SGSM3: variants seen among roughly 807,000 people sequenced by gnomAD.
SGSM3 encodes RUN and SH3 containing 3.
A neutral mutation model predicts 100.5 loss-of-function variants in SGSM3; 96 were observed. The observed-to-expected ratio is 0.96, with a 90% CI of 0.81 to 1.13. The LOEUF is 1.13. SGSM3 is among the 50% of genes most tolerant of loss of function. The pLI, the probability that SGSM3 is intolerant of heterozygous loss-of-function variation, is 0.00. For missense variants in SGSM3, 1,001 were observed against 1,015.8 expected, an observed-to-expected ratio of 0.99 and a Z score of 0.20; for synonymous variants, 483 against 422.8, an observed-to-expected ratio of 1.14 and a Z score of -1.75.
intron 17 of SGSM3, 40 bp from the exon 18 acceptor site, chr22:40,408,754 A>G (rs1374698198): frequency 3.1e-6 from 5 of 1,613,552 alleles, no homozygotes; most frequent in Non-Finnish European, 4.2e-6. Flanking sequence ...GCGGGGCCTG[A>G]CCCAGCCCCG....
intron 2 of SGSM3, 77 bp downstream of exon 2, chr22:40,400,890 T>TTA (rs1319527740): frequency 1.4e-6 from 2 of 1,387,196 alleles, no homozygotes; most frequent in Non-Finnish European, 1.9e-6. Flanking sequence ...GGTGGCTTGT[T>TTA]TTCCATAAAA....
Position 40,401,599 on chromosome 22 carries a change from A to G in SGSM3, c.14A>G (p.His5Arg). 6.2e-7 allele frequency: 1 copy of G among 1,612,682 alleles called. No homozygotes were observed. The highest frequency in any genetic ancestry group is 1.7e-4 in the Middle Eastern group (1 of 6,052). Residue 5 changes from histidine (H) to arginine (R), a missense_variant, in exon 3 of 22, where the codon CAT becomes CGT. His to Arg is a conservative substitution (Grantham distance 29). Transcript: ENST00000248929. MSGS[H>R]TPACGPFSAL... Reference sequence around the variant, plus strand: ...TGGTCCTCTTTGGTTTTAGGAAGCCATACACCTGCCTGTGGCCCTTTCTCA... The same window carrying G: ...TGGTCCTCTTTGGTTTTAGGAAGCCGTACACCTGCCTGTGGCCCTTTCTCA...
intron 1 of SGSM3, among the ~76,000 whole-genome samples, chr22:40,383,466 C>CAA (rs534039238): frequency 9.2e-5 from 8 of 87,368 alleles, no homozygotes; most frequent in East Asian, 3.3e-4. Flanking sequence ...GACTCTGTCT[C>CAA]AAAAAAAAAA....
chr22:40,404,423 C>A lies in SGSM3; in HGVS notation c.334C>A (p.Leu112Met). ...CTCTGAGAAGCTCCGCTCCCTGGTG[C>A]TGGCCGGCATCCCACATGGCATGAG... is the stretch of plus-strand genomic sequence containing the variant. ...PRSEKLRSLV[L>M]AGIPHGMRPQ... The change falls in exon 5 of 22, where the codon CTG (leucine) becomes ATG (methionine). Residue 112 changes from leucine to methionine, a missense_variant. Leu to Met is a conservative substitution (Grantham distance 15). Transcript: ENST00000248929. 6.2e-7 allele frequency: 1 copy of A among 1,605,628 alleles called. No homozygotes were observed. Among genetic ancestry groups the A allele is most frequent in the Non-Finnish European group, 8.5e-7 (1 of 1,175,350 alleles).
At chr22:40,406,701 C>G (rs985465353) in intron 10 of SGSM3, 39 bp downstream of exon 10, 3 of 1,529,436 alleles carry the variant, frequency 2.0e-6, no homozygotes, top group Non-Finnish European at 2.7e-6. Context: ...ACCCACAGCA[C>G]ACGGGGAGGA....
rs760516787 is a variant in SGSM3, at chr22:40,407,804, G to A, written c.1540G>A (p.Asp514Asn). 1 of 1,614,040 alleles carries A rather than the reference G, an allele frequency of 6.2e-7. No homozygotes were observed. The highest frequency in any genetic ancestry group is 1.1e-5 in the South Asian group (1 of 91,074). ...TCCTGTGCAGATCGTGTCTCAGAAG[G>A]ACGAGCACTGCTGGGTGGGGGAGCT... is the stretch of plus-strand genomic sequence containing the variant. The part of the protein sequence containing the change: ...NDIITIVSQK[D>N]EHCWVGELNG... The change falls in exon 14 of 22, where the codon GAC (aspartate) becomes AAC (asparagine). Residue 514 changes from aspartate (D) to asparagine (N), a missense_variant. Transcript: ENST00000248929. This position sits in a 1 kb window ranked among gnomAD's most constrained non-coding sequence, Gnocchi z 4.7.
chr22:40,401,771 TC>T (rs1193022156), intron 3 of SGSM3, 96 bp downstream of exon 3: 1 of 991,350 alleles, frequency 1.0e-6, no homozygotes, highest in African/African-American at 1.6e-5. Context: ...GGTGGCCAAC[TC>T]ACACAGGGTT....
rs1282714054 is a variant in SGSM3 at position 40,377,669 on chromosome 22, C to G, written c.-112+6981C>G. ...TGGGCAACATAATGGGAACCTGTCT[C>G]TACAAAAAAAAACTTTAAAAATTAT... On this transcript the variant is annotated intron_variant, in intron 1 of 21. Transcript: ENST00000248929. Among the ~76,000 whole-genome samples the G allele has an allele frequency of 2.0e-5, 3 of 151,600 alleles. No individual in the cohort carries two copies. In the East Asian group the frequency reaches 5.8e-4, roughly 29 times the overall value.
chr22:40,393,719 G>A (rs550604290), intron 1 of SGSM3, among the ~76,000 whole-genome samples: 27 of 152,258 alleles, frequency 1.8e-4, no homozygotes, highest in Admixed American at 3.3e-4. Context: ...TGGGAGGCTC[G>A]GAAGTCCAAG....
chr22:40,402,053 C>CCCTG lies in SGSM3; in HGVS notation c.91-86_91-85insCCTG, dbSNP rs2050825088. On this transcript the variant is annotated intron_variant, in intron 3 of 21. Coordinates refer to ENST00000248929, the MANE Select transcript of SGSM3 (RefSeq NM_015705.6). ...GCCCGAAGGCTGGGTGGGATTTTAG[C>CCCTG]AGGCAACCCTGTGGGTGGCATCTTT... The CCCTG allele has an allele frequency of 1.7e-5, 17 of 1,024,654 alleles. No individual in the cohort carries two copies. In the East Asian group the frequency reaches 4.1e-4, roughly 24 times the overall value. The allele number at this position is 1,024,654 out of a possible 1,614,324, so 63.5% of individuals were successfully genotyped here. A position where few individuals can be genotyped will look rare whatever the true frequency, so the allele number is the denominator to read the frequency against.
In SGSM3 at chr22:40,407,632, C is replaced by G. The variant is rs1380219684; in HGVS notation, c.1524+64C>G. 2 of 1,578,488 alleles carry G rather than the reference C, an allele frequency of 1.3e-6. No homozygotes were observed. Among genetic ancestry groups the G allele is most frequent in the East Asian group, 2.3e-5 (1 of 44,262 alleles). ...GGCGGGTTCCCCAGACTCCCTCCAC[C>G]AAGCCCCACCCCAACCCCTTTCCCT... is the stretch of plus-strand genomic sequence containing the variant. On this transcript the variant is annotated intron_variant, in intron 13 of 21. Transcript: ENST00000248929. This position sits in a 1 kb window ranked among gnomAD's most constrained non-coding sequence, Gnocchi z 4.7.
rs550073625 is a variant in SGSM3 at position 40,401,497 on chromosome 22, C to T, written c.8-96C>T. ...CTGACCTCAGGTGATCTGCCCACCTCGGCCTCCCAAAGTACTGAGATTACA... is the reference window on the plus strand; with the variant it reads ...CTGACCTCAGGTGATCTGCCCACCTTGGCCTCCCAAAGTACTGAGATTACA... On this transcript the variant is annotated intron_variant, in intron 2 of 21. Coordinates refer to ENST00000248929, the MANE Select transcript of SGSM3 (RefSeq NM_015705.6). The T allele has an allele frequency of 7.6e-4, 692 of 909,088 alleles. 2 individuals carry two copies. The highest frequency in any genetic ancestry group is 2.8e-3 in the Admixed American group (158 of 56,132). 56.3% of individuals were successfully genotyped at this position (909,088 alleles called of 1,614,324 possible). A position where few individuals can be genotyped will look rare whatever the true frequency, so the allele number is the denominator to read the frequency against.
chr22:40,379,058 A>G (rs923143886), intron 1 of SGSM3, among the ~76,000 whole-genome samples: 2 of 152,142 alleles, frequency 1.3e-5, no homozygotes, highest in Non-Finnish European at 2.9e-5. Flanking sequence ...GAAAGTGCCT[A>G]TGGTTCTTCC....
At chr22:40,410,279 ACTAACAGGC>A in exon 22 of SGSM3, 2 of 607,904 alleles carry the variant, frequency 3.3e-6, no homozygotes, top group South Asian at 1.5e-4. Context: ...AATAAGATGG[ACTAACAGGC>A]CTGTGTTTTT....
chr22:40,394,645 CA>C (rs34700924), intron 1 of SGSM3, among the ~76,000 whole-genome samples: 14,213 of 84,090 alleles, frequency 0.17, 779 homozygotes, highest in Middle Eastern at 0.27. Flanking sequence ...ACTCCTGTCT[CA>C]AAAAAAAAAA....
intron 2 of SGSM3, among the ~76,000 whole-genome samples, chr22:40,401,148 C>T (rs1163782646): frequency 1.3e-5 from 2 of 152,216 alleles, no homozygotes; most frequent in Non-Finnish European, 2.9e-5. Flanking sequence ...TTTCACTCTG[C>T]TCCTTCCCTA....
Position 40,407,553 on chromosome 22 carries a change from G to A in SGSM3, c.1509G>A (p.Lys503=). The stretch of plus-strand genomic sequence containing the variant: ...ACGACGACGAGCTGGGCTTCCGCAA[G>A]AACGACATCATCACAGTGCGTGGGG... The part of the protein sequence containing the change: ...RHDDDELGFR[K]NDIITIVSQK... The change falls in exon 13 of 22, where the codon AAG becomes AAA. Residue 503 remains lysine, a synonymous_variant. Coordinates refer to ENST00000248929, the MANE Select transcript of SGSM3 (RefSeq NM_015705.6). This position sits in a 1 kb window ranked among gnomAD's most constrained non-coding sequence, Gnocchi z 4.7. 2.5e-6 allele frequency: 4 copies of A among 1,604,126 alleles called. No homozygotes were observed. Among genetic ancestry groups the A allele is most frequent in the Non-Finnish European group, 3.4e-6 (4 of 1,179,868 alleles).
chr22:40,409,618 A>T, intron 21 of SGSM3, 64 bp from the exon 22 acceptor site: 1 of 1,613,010 alleles, frequency 6.2e-7, no homozygotes, highest in South Asian at 1.1e-5. Context: ...TGCTGGTGTC[A>T]GCGGTTAGGA....
rs1338918903 is a variant in SGSM3, at chr22:40,408,120, G to A, written c.1629G>A (p.Glu543=). The change falls in exon 15 of 22, where the codon GAG becomes GAA. Residue 543 remains glutamate (E), a splice_region_variant and synonymous_variant. Coordinates refer to ENST00000248929, the MANE Select transcript of SGSM3 (RefSeq NM_015705.6). ...AAGTCCTGGATGAGCGCAGCAAAGA[G>A]GTGAGGGGGGTGGGCGGGCTAGGCA... ...FVEVLDERSK[E]YSIAGDDSVT... 2 of 1,612,668 alleles carry A rather than the reference G, an allele frequency of 1.2e-6. No individual in the cohort carries two copies. The highest frequency in any genetic ancestry group is 1.7e-6 in the Non-Finnish European group (2 of 1,179,402).
Sources: gnomAD v4.1 joint callset for allele counts (sites outside exome capture counted in the v4.1 genomes callset) on GRCh38, gnomAD v4.1.1 for gene constraint, Gnocchi (gnomAD v3.1) non-coding constraint, MANE v1.5 for transcripts, NCBI Gene and HGNC (gene_info 2026-07-23, HGNC 2026-07-21) for gene names.